The following PHC3 variants were observed in gnomAD, a reference collection of about 807,000 sequenced individuals.
PHC3 encodes the protein polyhomeotic homolog 3.
In PHC3, 13 loss-of-function variants were observed where a neutral mutation model predicts 107.4. That is an observed-to-expected ratio of 0.12 (90% CI 0.08 to 0.19). PHC3 has a LOEUF of 0.19. Among genes scored for constraint, PHC3 ranks in the 10% least tolerant of loss-of-function variants. PHC3 has a pLI of 1.00. For missense variants in PHC3, 992 were observed against 1,210.9 expected, an observed-to-expected ratio of 0.82 and a Z score of 2.68; for synonymous variants, 456 against 427.4, an observed-to-expected ratio of 1.07 and a Z score of -0.83.
chr3:170,178,724 T>C (rs376658636), intron 2 of PHC3, 49 bp downstream of exon 2: 31 of 1,582,530 alleles, frequency 2.0e-5, no homozygotes, highest in African/African-American at 1.3e-5. Context: ...AAGCAAAAAG[T>C]AATATGACAT....
rs539612585 is a variant in PHC3, at chr3:170,101,346, C to T, written c.2833+1133G>A. Among the ~76,000 whole-genome samples, 7 of 152,226 alleles carry T rather than the reference C, an allele frequency of 4.6e-5. No homozygotes were observed. In the South Asian group the frequency reaches 6.2e-4, roughly 14 times the overall value. On this transcript the variant is annotated intron_variant, in intron 14 of 14. Coordinates refer to ENST00000495893, the MANE Select transcript of PHC3 (RefSeq NM_024947.4). ...TCTGTATATGAGGTAAAGTGGGTGA[C>T]GGATTCTTTACAACTATCATTCCTA...
intron 11 of PHC3, 91 bp from the exon 12 acceptor site, chr3:170,107,037 G>T: frequency 2.6e-6 from 2 of 774,558 alleles, no homozygotes; most frequent in Non-Finnish European, 2.0e-6. Context: ...GATACTGCTA[G>T]CAAACCAATG....
At chr3:170,177,005 C>A in intron 2 of PHC3, 1 of 355,696 alleles carries the variant, frequency 2.8e-6, no homozygotes, top group South Asian at 2.1e-5. Flanking sequence ...TACCATATTG[C>A]CCCAACCTCC....
chr3:170,164,403 T>C (rs1259134689), intron 4 of PHC3, among the ~76,000 whole-genome samples: 1 of 152,174 alleles, frequency 6.6e-6, no homozygotes, highest in Non-Finnish European at 1.5e-5. Context: ...TCCTCAGAGA[T>C]GACCACTAAT....
chr3:170,172,489 A>T (rs1466142812), intron 3 of PHC3, 68 bp downstream of exon 3: 5 of 1,513,010 alleles, frequency 3.3e-6, no homozygotes, highest in Admixed American at 2.1e-5. Flanking sequence ...TACCCAATCT[A>T]TTTATTTTCA....
chr3:170,146,103 G>A (rs1420104086), intron 5 of PHC3, among the ~76,000 whole-genome samples: 2 of 152,140 alleles, frequency 1.3e-5, no homozygotes, highest in African/African-American at 2.4e-5. Flanking sequence ...GGCCAGGCGT[G>A]GTGGCTCATG....
At chr3:170,117,535 G>GA (rs1475138546) in intron 9 of PHC3, 59 bp from the exon 10 acceptor site, 1 of 1,516,940 alleles carries the variant, frequency 6.6e-7, no homozygotes, top group Non-Finnish European at 8.9e-7. Flanking sequence ...CCAAGCAAAT[G>GA]AAAGAGAATT....
chr3:170,176,506 A>C (rs1219436873), intron 2 of PHC3, among the ~76,000 whole-genome samples: 15 of 152,232 alleles, frequency 9.9e-5, no homozygotes, highest in Admixed American at 9.8e-4. Context: ...CTACCAGAAG[A>C]AAGCAGGTAT....
At chr3:170,146,509 C>T (rs1161782818) in intron 5 of PHC3, among the ~76,000 whole-genome samples, 1 of 150,436 alleles carries the variant, frequency 6.6e-6, no homozygotes, top group Non-Finnish European at 1.5e-5. Context: ...TTACTTATCA[C>T]TTTCCTTTTT....
chr3:170,140,596 T>C (rs1308381681), intron 6 of PHC3, among the ~76,000 whole-genome samples: 1 of 129,026 alleles, frequency 7.8e-6, no homozygotes, highest in African/African-American at 2.9e-5. Flanking sequence ...TTTTTTTTTT[T>C]TTTTTTTTTT....
chr3:170,126,031 T>C lies in PHC3; in HGVS notation c.1788+2653A>G, dbSNP rs148943676. 5,211 of 864,354 alleles carry C rather than the reference T, an allele frequency of 6.0e-3. 15 individuals carry two copies. The highest frequency in any genetic ancestry group is 6.8e-3 in the Non-Finnish European group (4,871 of 719,454). 53.5% of individuals were successfully genotyped at this position (864,354 alleles called of 1,614,324 possible). ...AACTGAGGAATATTTGTTTATTAGT[T>C]CTAAATTATCTACCCTCAACATACT... On this transcript the variant is annotated intron_variant, in intron 8 of 14. Transcript: ENST00000495893.
In PHC3 at chr3:170,178,938, T is replaced by C; in HGVS notation, c.15A>G (p.Glu5=). Residue 5 remains glutamate, a splice_region_variant and synonymous_variant, in exon 2 of 15, where the codon GAA becomes GAG. Coordinates refer to ENST00000495893, the MANE Select transcript of PHC3 (RefSeq NM_024947.4). MAEA[E]FKDHSTAMDT... Reference sequence around the variant, plus strand: ...CCATAGCTGTACTATGGTCCTTAAATCTGGCAGGTCACACAAAGTGTTTGT... The same window carrying C: ...CCATAGCTGTACTATGGTCCTTAAACCTGGCAGGTCACACAAAGTGTTTGT... 3 of 1,610,824 alleles carry C rather than the reference T, an allele frequency of 1.9e-6. No homozygotes were observed. Among genetic ancestry groups the C allele is most frequent in the Non-Finnish European group, 2.5e-6 (3 of 1,177,852 alleles).
intron 8 of PHC3, chr3:170,126,096 T>TGTTTTTTAAGATA: frequency 2.8e-6 from 1 of 362,536 alleles, no homozygotes; most frequent in Non-Finnish European, 3.8e-6. Context: ...TTCTTAAGTA[T>TGTTTTTTAAGATA]CTTAAAAAAC....
intron 8 of PHC3, among the ~76,000 whole-genome samples, chr3:170,125,160 C>G (rs900071457): frequency 2.0e-5 from 3 of 152,094 alleles, no homozygotes; most frequent in Non-Finnish European, 4.4e-5. Context: ...GTGCCTCATG[C>G]CTGAATCTCA....
intron 12 of PHC3, 79 bp from the exon 13 acceptor site, chr3:170,103,013 C>A: frequency 7.3e-7 from 1 of 1,378,900 alleles, no homozygotes; most frequent in Non-Finnish European, 1.0e-6. Context: ...CTTTAAAGTG[C>A]AACTGTGAAT....
intron 1 of PHC3, 38 bp downstream of exon 1, chr3:170,181,664 C>T (rs1306188281): frequency 1.9e-6 from 3 of 1,613,186 alleles, no homozygotes; most frequent in African/African-American, 1.3e-5. Flanking sequence ...CAACTCGCCC[C>T]CCCTAGTTAC....
chr3:170,120,704 C>CAATAGTAGTGAGGG (rs1485722910), intron 9 of PHC3, among the ~76,000 whole-genome samples: 1 of 151,736 alleles, frequency 6.6e-6, no homozygotes, highest in Non-Finnish European at 1.5e-5. Flanking sequence ...TAGAGATTTA[C>CAATAGTAGTGAGGG]AATAGTAGTG....
intron 4 of PHC3, chr3:170,150,530 C>CT (rs1179947128): frequency 0.031 from 2,312 of 73,866 alleles, 28 homozygotes; most frequent in Middle Eastern, 0.047. Flanking sequence ...CCTGTCTCTA[C>CT]TAAAAAAAAA....
At chr3:170,159,058 T>C (rs929956648) in intron 4 of PHC3, among the ~76,000 whole-genome samples, 1 of 151,982 alleles carries the variant, frequency 6.6e-6, no homozygotes. Flanking sequence ...GAGACCATCC[T>C]GGCTAACATG....
Sources: allele counts gnomAD v4.1 joint callset (sites outside exome capture counted in the v4.1 genomes callset), GRCh38; gene constraint gnomAD v4.1.1; transcripts MANE v1.5; gene names NCBI Gene and HGNC (gene_info 2026-07-23, HGNC 2026-07-21).